The following CDH13 variants were observed in gnomAD, a reference collection of about 807,000 sequenced individuals.
The protein encoded by CDH13 is cadherin-13.
In CDH13, 24 loss-of-function variants were observed where a neutral mutation model predicts 63.8. The ratio of observed to expected loss-of-function variants is 0.38; its 90% CI spans 0.27 to 0.53. CDH13 has a LOEUF of 0.53. Ranked by LOEUF, CDH13 falls within the 20% of genes least tolerant of loss-of-function variation. The pLI is 0.85. For synonymous variants in CDH13, 503 were observed against 355.3 expected (o/e 1.42, Z -4.67); for missense variants, 1,049 against 903.1 (o/e 1.16, Z -2.07).
chr16:83,445,298 A>AAGCTTTTATAAT (rs2072651457), intron 6 of CDH13, among the ~76,000 whole-genome samples: 1 of 130,102 alleles, frequency 7.7e-6, no homozygotes, highest in Non-Finnish European at 1.7e-5. Flanking sequence ...GGTTTTATAA[A>AAGCTTTTATAAT]TTATAAAAGG....
At chr16:83,745,074 C>T (rs191806350) in intron 10 of CDH13, among the ~76,000 whole-genome samples, 1 of 152,288 alleles carries the variant, frequency 6.6e-6, no homozygotes, top group East Asian at 1.9e-4. Context: ...TATCAACCTC[C>T]CAGGGCTGGT....
chr16:83,318,408 A>G (rs2090150531), intron 5 of CDH13, among the ~76,000 whole-genome samples: 1 of 152,158 alleles, frequency 6.6e-6, no homozygotes. Flanking sequence ...TTAAAACTGA[A>G]TTATCTGTTT....
At chr16:82,990,872 C>G (rs1278967041) in intron 2 of CDH13, among the ~76,000 whole-genome samples, 1 of 152,140 alleles carries the variant, frequency 6.6e-6, no homozygotes, top group African/African-American at 2.4e-5. Flanking sequence ...ACTTTCTTAT[C>G]AGATTTCAGC....
At chr16:83,013,951 C>T (rs1914416232) in intron 2 of CDH13, among the ~76,000 whole-genome samples, 1 of 152,070 alleles carries the variant, frequency 6.6e-6, no homozygotes, top group South Asian at 2.1e-4. Flanking sequence ...AAACATCAGC[C>T]TCATCTGTAT....
At chr16:83,570,811 T>C (rs1250775383) in intron 7 of CDH13, among the ~76,000 whole-genome samples, 2 of 133,674 alleles carry the variant, frequency 1.5e-5, no homozygotes, top group African/African-American at 5.4e-5. Flanking sequence ...TAAATATATA[T>C]ATTTATAAAT....
chr16:83,750,695 A>T (rs1453796744), intron 11 of CDH13, among the ~76,000 whole-genome samples: 6 of 152,236 alleles, frequency 3.9e-5, no homozygotes, highest in Non-Finnish European at 8.8e-5. Flanking sequence ...CTGCAAGTCA[A>T]GGAGTTCCAA....
chr16:83,243,337 A>G (rs553610569), intron 5 of CDH13, among the ~76,000 whole-genome samples: 1 of 152,234 alleles, frequency 6.6e-6, no homozygotes, highest in African/African-American at 2.4e-5. Context: ...TGAGAGGCAC[A>G]TCTTACATGG....
chr16:83,335,633 G>A (rs1233587338), intron 5 of CDH13, among the ~76,000 whole-genome samples: 1 of 152,102 alleles, frequency 6.6e-6, no homozygotes, highest in African/African-American at 2.4e-5. Context: ...ACGGCCCAGC[G>A]CCACACCCTG....
At chr16:83,347,796 C>A (rs570989777) in intron 6 of CDH13, among the ~76,000 whole-genome samples, 1 of 152,212 alleles carries the variant, frequency 6.6e-6, no homozygotes, top group East Asian at 1.9e-4. Flanking sequence ...TAATTCTCTG[C>A]AAATTCTGGC....
Position 83,800,304 on chromosome 16 carries a change from C to T in CDH13, c.*5274C>T, listed in dbSNP as rs965378512. 1 of 152,178 alleles carries T rather than the reference C, an allele frequency of 6.6e-6. No individual in the cohort carries two copies. Among genetic ancestry groups the T allele is most frequent in the Non-Finnish European group, 1.5e-5 (1 of 68,036 alleles). 9.4% of individuals were successfully genotyped at this position (152,178 alleles called of 1,614,324 possible). On this transcript the variant is annotated 3_prime_UTR_variant, in exon 14 of 14. Transcript: ENST00000567109. ...AGAGAGTACTAAAGCCATTCTATAT[C>T]TGTCGTACACATGAATTCAGACTAT...
intron 7 of CDH13, among the ~76,000 whole-genome samples, chr16:83,513,963 C>T (rs62042280): frequency 6.6e-6 from 1 of 152,114 alleles, no homozygotes; most frequent in Non-Finnish European, 1.5e-5. Flanking sequence ...TTTGCCTCAT[C>T]TGTCCAATAG....
chr16:83,038,184 C>G (rs1184293529), intron 3 of CDH13, among the ~76,000 whole-genome samples: 2 of 152,174 alleles, frequency 1.3e-5, no homozygotes, highest in African/African-American at 2.4e-5. Context: ...ACAGTTAAGC[C>G]TATTTTAGCT....
intron 6 of CDH13, among the ~76,000 whole-genome samples, chr16:83,453,105 T>G (rs1208606904): frequency 6.6e-6 from 1 of 152,152 alleles, no homozygotes; most frequent in Non-Finnish European, 1.5e-5. Flanking sequence ...TTATTCCAAG[T>G]GAAGTAACTG....
intron 11 of CDH13, among the ~76,000 whole-genome samples, chr16:83,763,327 C>T (rs1163238153): frequency 2.0e-5 from 3 of 152,166 alleles, no homozygotes; most frequent in African/African-American, 7.2e-5. Flanking sequence ...CTGTCTTCTC[C>T]TTCAGTCCTC....
chr16:83,439,627 T>C (rs35279025), intron 6 of CDH13, among the ~76,000 whole-genome samples: 8,955 of 152,320 alleles, frequency 0.059, 272 homozygotes, highest in East Asian at 0.12. Context: ...GGAAAGGCGA[T>C]GGCTTCGGCA....
intron 1 of CDH13, among the ~76,000 whole-genome samples, chr16:82,669,797 CG>C (rs774693163): frequency 3.4e-4 from 52 of 152,278 alleles, no homozygotes; most frequent in Admixed American, 5.9e-4. Context: ...ATACCCCAGC[CG>C]GGTTGGTAGG....
chr16:83,563,244 C>G (rs948565906), intron 7 of CDH13, among the ~76,000 whole-genome samples: 1 of 152,212 alleles, frequency 6.6e-6, no homozygotes, highest in African/African-American at 2.4e-5. Flanking sequence ...GGAAGCATTA[C>G]TAAATTATGA....
At chr16:82,855,137 T>C (rs554690665) in intron 1 of CDH13, among the ~76,000 whole-genome samples, 4 of 152,312 alleles carry the variant, frequency 2.6e-5, no homozygotes, top group African/African-American at 9.6e-5. Flanking sequence ...ACTGTGCCTT[T>C]GGGGCTTCTC....
At chr16:83,102,504 G>A (rs2034530980) in intron 3 of CDH13, among the ~76,000 whole-genome samples, 2 of 152,292 alleles carry the variant, frequency 1.3e-5, no homozygotes, top group South Asian at 2.1e-4. Flanking sequence ...GCAGAGTGCA[G>A]ATGACATGAG....
Sources: gnomAD v4.1 joint callset for allele counts (sites outside exome capture counted in the v4.1 genomes callset) on GRCh38, gnomAD v4.1.1 for gene constraint, MANE v1.5 for transcripts, NCBI Gene and HGNC (gene_info 2026-07-23, HGNC 2026-07-21) for gene names.